Variants in ADAMTS3 observed in about 807,000 individuals in gnomAD.
The protein encoded by ADAMTS3 is A disintegrin and metalloproteinase with thrombospondin motifs 3.
In ADAMTS3, 73 loss-of-function variants were observed where a neutral mutation model predicts 129.0. The ratio of observed to expected loss-of-function variants is 0.57; its 90% confidence interval spans 0.47 to 0.69. The LOEUF (loss-of-function observed/expected upper bound fraction) is 0.69, where lower values mean the gene tolerates loss of function less well. ADAMTS3 is among the 30% of genes least tolerant of loss of function. The probability of loss-of-function intolerance (pLI) is 0.00; values close to 1 mark genes in which losing one functional copy is unlikely to be tolerated. For missense variants in ADAMTS3, 1,457 were observed against 1,514.5 expected, an observed-to-expected ratio of 0.96 and a Z score of 0.63; for synonymous variants, 477 against 510.8, an observed-to-expected ratio of 0.93 and a Z score of 0.89.
chr4:72,291,818 A>G (rs1023358404), intron 19 of ADAMTS3, among the ~76,000 whole-genome samples: 1 of 152,168 alleles, frequency 6.6e-6, no homozygotes, highest in African/African-American at 2.4e-5. Flanking sequence ...TCCCTGAGGA[A>G]TCGCCACACT....
At chr4:72,491,725 GTTTTC>G (rs1295892988) in intron 3 of ADAMTS3, among the ~76,000 whole-genome samples, 2 of 151,672 alleles carry the variant, frequency 1.3e-5, no homozygotes, top group East Asian at 1.9e-4. Context: ...TTAGCTTATA[GTTTTC>G]TTTTCTTTAC....
At chr4:72,486,862 C>G (rs1382511054) in intron 3 of ADAMTS3, among the ~76,000 whole-genome samples, 2 of 152,094 alleles carry the variant, frequency 1.3e-5, no homozygotes, top group African/African-American at 4.8e-5. Flanking sequence ...TTCCTTATTC[C>G]CCCTCTAATG....
chr4:72,483,658 G>A (rs942106484), intron 3 of ADAMTS3, among the ~76,000 whole-genome samples: 1 of 152,132 alleles, frequency 6.6e-6, no homozygotes, highest in African/African-American at 2.4e-5. Context: ...CAACCTAGCT[G>A]CAAAACAATA....
At chr4:72,289,426 C>T (rs1718601282) in intron 20 of ADAMTS3, among the ~76,000 whole-genome samples, 2 of 152,164 alleles carry the variant, frequency 1.3e-5, no homozygotes, top group Non-Finnish European at 2.9e-5. Context: ...TTTCTCTGTG[C>T]TCTTAAGTTC....
rs144225817 is a variant in ADAMTS3, at chr4:72,388,762, T to C, written c.661+26053A>G. On this transcript the variant is annotated intron_variant, in intron 4 of 21. Coordinates refer to ENST00000286657, the MANE Select transcript of ADAMTS3 (RefSeq NM_014243.3). ...AGGAGGATTCACAGGACTCAGCATA[T>C]AGTCCTGTTCATGGTTAGGATTCAT... 2.2e-3 allele frequency among the ~76,000 whole-genome samples: 338 copies of C among 152,196 alleles called. 2 individuals carry two copies. The highest frequency in any genetic ancestry group is 7.7e-3 in the African/African-American group (320 of 41,530).
intron 3 of ADAMTS3, among the ~76,000 whole-genome samples, chr4:72,538,947 A>G (rs2109774531): frequency 6.6e-6 from 1 of 152,286 alleles, no homozygotes; most frequent in Middle Eastern, 3.4e-3. Flanking sequence ...GAGCTTGGAA[A>G]ACTTGATATC....
chr4:72,396,181 A>G (rs1209818615), intron 4 of ADAMTS3, among the ~76,000 whole-genome samples: 1 of 152,194 alleles, frequency 6.6e-6, no homozygotes, highest in African/African-American at 2.4e-5. Flanking sequence ...GGAGGGTTAG[A>G]AACAAACTCA....
intron 5 of ADAMTS3, among the ~76,000 whole-genome samples, chr4:72,326,099 T>C (rs1318542478): frequency 2.0e-5 from 3 of 152,134 alleles, no homozygotes; most frequent in South Asian, 2.1e-4. Context: ...GAAAACAGGG[T>C]GACCCAGTAG....
chr4:72,518,339 G>T (rs1056193099), intron 3 of ADAMTS3, among the ~76,000 whole-genome samples: 3 of 152,314 alleles, frequency 2.0e-5, no homozygotes, highest in Middle Eastern at 3.4e-3. Context: ...GAGTTCTGTA[G>T]ATGTCTATTA....
At chr4:72,514,867 G>C (rs1720417044) in intron 3 of ADAMTS3, among the ~76,000 whole-genome samples, 1 of 151,336 alleles carries the variant, frequency 6.6e-6, no homozygotes, top group African/African-American at 2.4e-5. Flanking sequence ...TAAGTTTTAG[G>C]GTACATGTGC....
Position 72,461,911 on chromosome 4 carries a change from T to C in ADAMTS3, c.505-46940A>G, listed in dbSNP as rs143280487. On this transcript the variant is annotated intron_variant, in intron 3 of 21. Coordinates refer to ENST00000286657, the MANE Select transcript of ADAMTS3 (RefSeq NM_014243.3). ...AATGATATTATCTGAGAAACAATCA[T>C]TTCCTTTCTCTACTTCATCCTTTAT... 2.7e-3 allele frequency among the ~76,000 whole-genome samples: 403 copies of C among 152,026 alleles called. 3 individuals carry two copies. Among genetic ancestry groups the C allele is most frequent in the African/African-American group, 9.4e-3 (391 of 41,546 alleles).
intron 17 of ADAMTS3, among the ~76,000 whole-genome samples, chr4:72,303,377 G>C: frequency 6.6e-6 from 1 of 151,948 alleles, no homozygotes. Flanking sequence ...TAAAAACACA[G>C]TGCTGAAAGA....
intron 4 of ADAMTS3, among the ~76,000 whole-genome samples, chr4:72,382,719 T>C (rs568336619): frequency 7.9e-5 from 12 of 152,264 alleles, no homozygotes; most frequent in African/African-American, 2.9e-4. Context: ...TGAAATCATG[T>C]CCTTCATAGC....
intron 4 of ADAMTS3, among the ~76,000 whole-genome samples, chr4:72,355,580 G>C (rs1351141841): frequency 2.0e-5 from 3 of 151,936 alleles, no homozygotes; most frequent in Non-Finnish European, 4.4e-5. Flanking sequence ...TGTGGAAGTT[G>C]GTTTGCCCTC....
chr4:72,333,098 A>C (rs964993832), intron 5 of ADAMTS3, among the ~76,000 whole-genome samples: 1 of 152,180 alleles, frequency 6.6e-6, no homozygotes. Flanking sequence ...ACTGGGACTA[A>C]GGCTGAATGC....
At chr4:72,449,982 A>C (rs1293296329) in intron 3 of ADAMTS3, among the ~76,000 whole-genome samples, 1 of 151,602 alleles carries the variant, frequency 6.6e-6, no homozygotes, top group Non-Finnish European at 1.5e-5. Flanking sequence ...GACTTCTCCT[A>C]ATCCCACAGT....
intron 2 of ADAMTS3, among the ~76,000 whole-genome samples, chr4:72,556,258 A>T (rs1246414345): frequency 2.0e-5 from 3 of 151,734 alleles, no homozygotes; most frequent in Non-Finnish European, 2.9e-5. Context: ...ACAGTGGCCC[A>T]TGCTCTAGGA....
rs558966745 is a variant in ADAMTS3, at chr4:72,566,344, T to C, written c.97+1030A>G. On this transcript the variant is annotated intron_variant, in intron 2 of 21. Transcript: ENST00000286657. The stretch of plus-strand genomic sequence containing the variant: ...TACTATAACAGGTAGCTATGCAACC[T>C]CTCAAGCTTCATTTTCCTCATCTCT... 5.1e-4 allele frequency among the ~76,000 whole-genome samples: 78 copies of C among 152,326 alleles called. 2 individuals carry two copies. Among genetic ancestry groups the C allele is most frequent in the Non-Finnish European group, 5.9e-5 (4 of 68,026 alleles).
chr4:72,459,648 T>G (rs1303404144), intron 3 of ADAMTS3, among the ~76,000 whole-genome samples: 1 of 151,558 alleles, frequency 6.6e-6, no homozygotes, highest in Non-Finnish European at 1.5e-5. Context: ...ATGTAGCTAT[T>G]ATTACCAATA....
Sources: allele counts gnomAD v4.1 joint callset (sites outside exome capture counted in the v4.1 genomes callset), GRCh38; gene constraint gnomAD v4.1.1; transcripts MANE v1.5; gene names NCBI Gene and HGNC (gene_info 2026-07-23, HGNC 2026-07-21).